Variants in CAMTA1 observed in about 807,000 individuals in gnomAD.
CAMTA1 encodes calmodulin-binding transcription activator 1.
A neutral mutation model predicts 170.9 loss-of-function variants in CAMTA1; 27 were observed. The observed-to-expected ratio is 0.16, with a 90% CI of 0.12 to 0.22. The LOEUF is 0.22. Ranked by LOEUF, CAMTA1 falls within the 10% of genes least tolerant of loss-of-function variation. The pLI, the probability that CAMTA1 is intolerant of heterozygous loss-of-function variation, is 1.00. For synonymous variants in CAMTA1, 833 were observed against 891.5 expected (o/e 0.93, Z 1.17); for missense variants, 1,619 against 2,217.2 (o/e 0.73, Z 5.42).
At chr1:7,498,298 CAGTGAGTGTGGATGTGTGTGTAAG>C (rs1557817839) in intron 6 of CAMTA1, among the ~76,000 whole-genome samples, 1 of 144,490 alleles carries the variant, frequency 6.9e-6, no homozygotes, top group African/African-American at 2.6e-5. Context: ...ATGAGCGTGA[CAGTGAGTGTGGATGTGTGTGTAAG>C]AGTGAGTGTG....
At chr1:7,069,735 G>A (rs911019038) in intron 3 of CAMTA1, among the ~76,000 whole-genome samples, 1 of 152,122 alleles carries the variant, frequency 6.6e-6, no homozygotes, top group African/African-American at 2.4e-5. Flanking sequence ...AGCTGGTAGC[G>A]AGGGCTTGTG....
chr1:7,423,297 C>T (rs1481121613), intron 5 of CAMTA1, among the ~76,000 whole-genome samples: 1 of 152,198 alleles, frequency 6.6e-6, no homozygotes, highest in Non-Finnish European at 1.5e-5. Context: ...ATAGCGAAAC[C>T]GCGTCTCTAC....
intron 3 of CAMTA1, among the ~76,000 whole-genome samples, chr1:6,842,458 C>T (rs1015548854): frequency 6.6e-6 from 1 of 152,206 alleles, no homozygotes; most frequent in Non-Finnish European, 1.5e-5. Flanking sequence ...CTGGGCCCTA[C>T]CACAAACTAA....
intron 5 of CAMTA1, among the ~76,000 whole-genome samples, chr1:7,294,250 G>T (rs1402455446): frequency 6.6e-6 from 1 of 152,176 alleles, no homozygotes; most frequent in Non-Finnish European, 1.5e-5. Context: ...CCCTTTCAGG[G>T]GTTTACGCTG....
intron 6 of CAMTA1, among the ~76,000 whole-genome samples, chr1:7,483,841 T>C (rs1484010865): frequency 6.6e-6 from 1 of 151,996 alleles, no homozygotes; most frequent in Non-Finnish European, 1.5e-5. Flanking sequence ...ACCCCAGGGG[T>C]GGCTCCTGGA....
chr1:7,351,085 C>T (rs1318683623), intron 5 of CAMTA1, among the ~76,000 whole-genome samples: 1 of 152,228 alleles, frequency 6.6e-6, no homozygotes, highest in African/African-American at 2.4e-5. Context: ...TGGCAGACCT[C>T]AGCGTCGTAG....
chr1:7,196,828 T>C (rs775014632), intron 4 of CAMTA1, among the ~76,000 whole-genome samples: 9 of 152,230 alleles, frequency 5.9e-5, no homozygotes, highest in Non-Finnish European at 1.3e-4. Flanking sequence ...CCAGGAGACC[T>C]GCAGCATTTC....
intron 5 of CAMTA1, among the ~76,000 whole-genome samples, chr1:7,438,333 C>T (rs2092412671): frequency 6.6e-6 from 1 of 152,192 alleles, no homozygotes; most frequent in Non-Finnish European, 1.5e-5. Context: ...AACCCAGATA[C>T]AGCTTTCTTT....
At chr1:7,302,267 C>T (rs1048500966) in intron 5 of CAMTA1, among the ~76,000 whole-genome samples, 2 of 152,112 alleles carry the variant, frequency 1.3e-5, no homozygotes, top group African/African-American at 4.8e-5. Context: ...AGAGATGCTC[C>T]TCAATCCCCT....
At chr1:7,413,667 G>A (rs2090957742) in intron 5 of CAMTA1, among the ~76,000 whole-genome samples, 1 of 152,134 alleles carries the variant, frequency 6.6e-6, no homozygotes, top group Admixed American at 6.6e-5. Context: ...CTGAGACAAT[G>A]GGGTTTTCTA....
At chr1:7,106,193 C>G (rs1643564591) in intron 4 of CAMTA1, among the ~76,000 whole-genome samples, 1 of 151,868 alleles carries the variant, frequency 6.6e-6, no homozygotes, top group Admixed American at 6.6e-5. Context: ...TCTGGGATCT[C>G]AATCCTTTTA....
At chr1:7,611,794 G>A (rs1348395909) in intron 6 of CAMTA1, among the ~76,000 whole-genome samples, 1 of 152,228 alleles carries the variant, frequency 6.6e-6, no homozygotes, top group African/African-American at 2.4e-5. Flanking sequence ...CTGCCCAGGG[G>A]CCAGTGCTGG....
chr1:7,179,662 A>G (rs1020410808), intron 4 of CAMTA1, among the ~76,000 whole-genome samples: 2 of 152,214 alleles, frequency 1.3e-5, no homozygotes, highest in African/African-American at 4.8e-5. Context: ...GAAATGGGGA[A>G]AGCAAATTAA....
At chr1:7,679,669 G>A (rs1407093027) in intron 11 of CAMTA1, among the ~76,000 whole-genome samples, 1 of 152,058 alleles carries the variant, frequency 6.6e-6, no homozygotes, top group Admixed American at 6.5e-5. Context: ...AGGGTGACAG[G>A]AATTGGGGCG....
At chr1:7,657,807 A>G (rs750859270) in intron 7 of CAMTA1, among the ~76,000 whole-genome samples, 1 of 152,140 alleles carries the variant, frequency 6.6e-6, no homozygotes, top group Non-Finnish European at 1.5e-5. Context: ...CAATCTGCAT[A>G]TTGGATGTGC....
rs528064011 is a variant in CAMTA1, at chr1:7,094,741, T to G, written c.302+3370T>G. 3.9e-5 allele frequency among the ~76,000 whole-genome samples: 6 copies of G among 152,242 alleles called. No individual in the cohort carries two copies. In the South Asian group the frequency reaches 1.0e-3, roughly 26 times the overall value. ...CTGGGGACCCTGGGGGCAGCCGCGGTATCGCAACAGAGCTGAATGCTGAAC... is the reference window on the plus strand; with the variant it reads ...CTGGGGACCCTGGGGGCAGCCGCGGGATCGCAACAGAGCTGAATGCTGAAC... On this transcript the variant is annotated intron_variant, in intron 4 of 22. Coordinates refer to ENST00000303635, the MANE Select transcript of CAMTA1 (RefSeq NM_015215.4).
In CAMTA1 at chr1:7,665,542, G is replaced by A. The variant is rs2095993622; in HGVS notation, c.2652+343G>A. Among the ~76,000 whole-genome samples the A allele has an allele frequency of 1.3e-5, 2 of 152,006 alleles. No individual in the cohort carries two copies. The highest frequency in any genetic ancestry group is 2.9e-5 in the Non-Finnish European group (2 of 67,984). On this transcript the variant is annotated intron_variant, in intron 9 of 22. Coordinates refer to ENST00000303635, the MANE Select transcript of CAMTA1 (RefSeq NM_015215.4). The surrounding 1 kb of genome is among the most constrained non-coding windows in gnomAD (Gnocchi z 4.3). Reference sequence around the variant, plus strand: ...CAACCTGGGCAACGTAGTGAGAACTGGTTTCAACAAAATATTAAAAAAATA... The same window carrying A: ...CAACCTGGGCAACGTAGTGAGAACTAGTTTCAACAAAATATTAAAAAAATA...
At chr1:7,139,187 A>C (rs1645738722) in intron 4 of CAMTA1, among the ~76,000 whole-genome samples, 1 of 119,860 alleles carries the variant, frequency 8.3e-6, no homozygotes, top group African/African-American at 2.8e-5. Flanking sequence ...AATATTTAGA[A>C]AATTATATTT....
Position 7,300,226 on chromosome 1 carries a change from T to A in CAMTA1, c.438+50600T>A, listed in dbSNP as rs867569742. ...GGGACTCACTCAGAAAACATGATTT[T>A]CCTTCCTCCAAGGGTCTCCCCTAGA... On this transcript the variant is annotated intron_variant, in intron 5 of 22. Coordinates refer to ENST00000303635, the MANE Select transcript of CAMTA1 (RefSeq NM_015215.4). The surrounding 1 kb of genome is among the most constrained non-coding windows in gnomAD (Gnocchi z 4.1). Among the ~76,000 whole-genome samples, 1 of 152,194 alleles carries A rather than the reference T, an allele frequency of 6.6e-6. No homozygotes were observed. The highest frequency in any genetic ancestry group is 1.5e-5 in the Non-Finnish European group (1 of 68,032).
Sources: gnomAD v4.1 joint callset for allele counts (sites outside exome capture counted in the v4.1 genomes callset) on GRCh38, gnomAD v4.1.1 for gene constraint, Gnocchi (gnomAD v3.1) non-coding constraint, MANE v1.5 for transcripts, NCBI Gene and HGNC (gene_info 2026-07-23, HGNC 2026-07-21) for gene names.